The following PDE4D variants were observed in gnomAD, a reference collection of about 807,000 sequenced individuals.
PDE4D encodes 3',5'-cyclic-AMP phosphodiesterase 4D.
In PDE4D, 24 loss-of-function variants were observed where a neutral mutation model predicts 87.4. That is an observed-to-expected ratio of 0.27 (90% CI 0.20 to 0.39). The LOEUF is 0.39. PDE4D is among the 10% of genes least tolerant of loss of function. The pLI is 1.00. For synonymous variants in PDE4D, 384 were observed against 383.2 expected (o/e 1.00, Z -0.02); for missense variants, 714 against 1,041.0 (o/e 0.69, Z 4.32).
intron 1 of PDE4D, among the ~76,000 whole-genome samples, chr5:59,878,897 T>TTG (rs1749002194): frequency 1.6e-5 from 2 of 121,956 alleles, no homozygotes; most frequent in African/African-American, 7.8e-5. Flanking sequence ...GTTTTTTTTT[T>TTG]TTTTTTTTTT....
chr5:60,067,293 C>T (rs532121496), intron 2 of PDE4D, among the ~76,000 whole-genome samples: 35 of 152,178 alleles, frequency 2.3e-4, no homozygotes, highest in Middle Eastern at 3.4e-3. Context: ...AAAGATTGGA[C>T]TGGCCCAGAC....
intron 5 of PDE4D, among the ~76,000 whole-genome samples, chr5:59,100,155 C>T (rs1272113250): frequency 6.6e-6 from 1 of 152,226 alleles, no homozygotes; most frequent in Non-Finnish European, 1.5e-5. Flanking sequence ...CACAGGGTAC[C>T]CGAGTGATTG....
chr5:59,949,160 G>A (rs1758012850), intron 3 of PDE4D, among the ~76,000 whole-genome samples: 1 of 151,842 alleles, frequency 6.6e-6, no homozygotes, highest in African/African-American at 2.4e-5. Flanking sequence ...GGCTGGGCGC[G>A]GTGGCTCATG....
intron 1 of PDE4D, among the ~76,000 whole-genome samples, chr5:60,386,566 G>A (rs1481136227): frequency 2.0e-5 from 3 of 152,188 alleles, no homozygotes; most frequent in Non-Finnish European, 2.9e-5. Flanking sequence ...CTCTGCAGGG[G>A]GGTTCTGCCA....
chr5:59,364,432 A>G (rs1782720502), intron 1 of PDE4D, among the ~76,000 whole-genome samples: 1 of 152,218 alleles, frequency 6.6e-6, no homozygotes, highest in South Asian at 2.1e-4. Context: ...TAAATTTGAG[A>G]ACACACAATT....
At chr5:60,462,810 T>C (rs897439618) in intron 1 of PDE4D, among the ~76,000 whole-genome samples, 1 of 152,206 alleles carries the variant, frequency 6.6e-6, no homozygotes, top group Non-Finnish European at 1.5e-5. Context: ...TTCCCCCTCA[T>C]TGGGTTCTTT....
chr5:60,268,644 G>T (rs1750494080), intron 1 of PDE4D, among the ~76,000 whole-genome samples: 1 of 152,112 alleles, frequency 6.6e-6, no homozygotes, highest in Non-Finnish European at 1.5e-5. Context: ...AGATCCTCTG[G>T]GTCCACCATC....
At chr5:59,795,985 AT>A (rs1241614827) in intron 1 of PDE4D, among the ~76,000 whole-genome samples, 2 of 152,162 alleles carry the variant, frequency 1.3e-5, no homozygotes, top group African/African-American at 4.8e-5. Context: ...CCTGGAACAA[AT>A]CCTTGCCTCA....
chr5:59,912,229 T>C (rs189256671), intron 3 of PDE4D, among the ~76,000 whole-genome samples: 1 of 152,338 alleles, frequency 6.6e-6, no homozygotes, highest in Admixed American at 6.5e-5. Flanking sequence ...GAGCCTGATA[T>C]ATAGTAGGTG....
intron 6 of PDE4D, among the ~76,000 whole-genome samples, chr5:59,015,953 G>T (rs1268281960): frequency 6.6e-6 from 1 of 152,176 alleles, no homozygotes. Flanking sequence ...CATAAAAAAG[G>T]ATGAGTTCAT....
intron 1 of PDE4D, among the ~76,000 whole-genome samples, chr5:59,540,381 A>T (rs172363): frequency 0.031 from 4,663 of 152,310 alleles, 86 homozygotes; most frequent in East Asian, 0.1. Context: ...ACCAAAAAAC[A>T]GAAAAAAAGA....
chr5:59,588,861 C>G (rs1490072008), intron 1 of PDE4D, among the ~76,000 whole-genome samples: 2 of 152,166 alleles, frequency 1.3e-5, no homozygotes, highest in Non-Finnish European at 2.9e-5. Flanking sequence ...TAAATCTCTT[C>G]CATAAGGTCA....
At chr5:60,030,467 A>G (rs1767131398) in intron 2 of PDE4D, among the ~76,000 whole-genome samples, 1 of 152,190 alleles carries the variant, frequency 6.6e-6, no homozygotes, top group Non-Finnish European at 1.5e-5. Context: ...AAAAAACAAA[A>G]AAACAAAAAA....
At chr5:59,987,321 T>C (rs1395777494) in intron 3 of PDE4D, 1 of 152,230 alleles carries the variant, frequency 6.6e-6, no homozygotes, top group Non-Finnish European at 1.5e-5. Context: ...TCAATGTGTG[T>C]GCATTCTTCT....
At chr5:60,313,812 A>G (rs914372170) in intron 1 of PDE4D, among the ~76,000 whole-genome samples, 2 of 152,254 alleles carry the variant, frequency 1.3e-5, no homozygotes, top group African/African-American at 4.8e-5. Flanking sequence ...AATGTGATTC[A>G]TCACATAAAC....
Position 60,250,636 on chromosome 5 carries a change from T to A in PDE4D, c.-89-64949A>T, listed in dbSNP as rs115716070. Among the ~76,000 whole-genome samples, 435 of 152,080 alleles carry A rather than the reference T, an allele frequency of 2.9e-3. 3 individuals carry two copies. The highest frequency in any genetic ancestry group is 0.01 in the African/African-American group (421 of 41,524). On this transcript the variant is annotated intron_variant, in intron 1 of 16. Transcript: ENST00000502484. The stretch of plus-strand genomic sequence containing the variant: ...AGCAGTACTTATATGTTTGTAGCAA[T>A]GTTGGCATAAAAAACCTACTGTGCT...
At chr5:59,920,126 C>A (rs532510290) in intron 3 of PDE4D, among the ~76,000 whole-genome samples, 1 of 152,200 alleles carries the variant, frequency 6.6e-6, no homozygotes, top group African/African-American at 2.4e-5. Context: ...TATGCTGGGG[C>A]ATTGATGAGG....
chr5:60,106,763 G>A (rs1776983760), intron 2 of PDE4D, among the ~76,000 whole-genome samples: 1 of 151,998 alleles, frequency 6.6e-6, no homozygotes. Flanking sequence ...TGACTACTGG[G>A]TACATAACGA....
At chr5:59,350,951 T>C (rs922699852) in intron 1 of PDE4D, among the ~76,000 whole-genome samples, 4 of 152,192 alleles carry the variant, frequency 2.6e-5, no homozygotes, top group African/African-American at 9.6e-5. Context: ...TGCAAGTTGC[T>C]TATAAGGTAA....
Sources: gnomAD v4.1 joint callset for allele counts (sites outside exome capture counted in the v4.1 genomes callset) on GRCh38, gnomAD v4.1.1 for gene constraint, MANE v1.5 for transcripts, NCBI Gene and HGNC (gene_info 2026-07-23, HGNC 2026-07-21) for gene names.